Variants in ANTXR1 observed in about 807,000 individuals in gnomAD.
ANTXR1 encodes the protein ANTXR cell adhesion molecule 1, also known as anthrax toxin receptor 1.
Under a neutral mutation model 78.1 loss-of-function variants are expected in ANTXR1, and 19 were observed. The observed-to-expected ratio is 0.24, with a 90% CI of 0.17 to 0.36. The LOEUF (loss-of-function observed/expected upper bound fraction) is 0.36. Among genes scored for constraint, ANTXR1 ranks in the 10% least tolerant of loss-of-function variants. The probability of loss-of-function intolerance (pLI) is 1.00; values close to 1 mark genes in which losing one functional copy is unlikely to be tolerated. For missense variants in ANTXR1, 518 were observed against 718.6 expected (o/e 0.72, Z 3.19); for synonymous variants, 273 against 260.5 (o/e 1.05, Z -0.46).
At position 69,185,219 on chromosome 2, in the gene ANTXR1, C is replaced by A. The variant is rs188351452; in HGVS notation, c.1353+2559C>A. 3.3e-5 allele frequency among the ~76,000 whole-genome samples: 5 copies of A among 152,292 alleles called. No homozygotes were observed. In the East Asian group the frequency reaches 9.6e-4, roughly 29 times the overall value. ...CAAAAACGCTGGAAGTGGGGCCCAG[C>A]CATCTGGGTTTTAACAAGCTGAGTT... is the stretch of plus-strand genomic sequence containing the variant. On this transcript the variant is annotated intron_variant, in intron 16 of 17. Transcript: ENST00000303714.
In ANTXR1 at chr2:69,131,073, A is replaced by C. The variant is rs138629131; in HGVS notation, c.951+6430A>C. 7.7e-3 allele frequency among the ~76,000 whole-genome samples: 1,175 copies of C among 152,052 alleles called. 18 individuals are homozygous for C. The highest frequency in any genetic ancestry group is 0.025 in the African/African-American group (1,047 of 41,542). Reference sequence around the variant, plus strand: ...AATAAAGTTGATACATTATTACCACATGCAAAATTTCTGTTGCCACAAAAA... The same window carrying C: ...AATAAAGTTGATACATTATTACCACCTGCAAAATTTCTGTTGCCACAAAAA... On this transcript the variant is annotated intron_variant, in intron 12 of 17. Coordinates refer to ENST00000303714, the MANE Select transcript of ANTXR1 (RefSeq NM_032208.3).
chr2:69,185,345 C>T (rs1240642152), intron 16 of ANTXR1, among the ~76,000 whole-genome samples: 1 of 151,850 alleles, frequency 6.6e-6, no homozygotes, highest in Non-Finnish European at 1.5e-5. Flanking sequence ...TTGAGACCAG[C>T]CCCGGCCAAC....
intron 1 of ANTXR1, among the ~76,000 whole-genome samples, chr2:69,036,102 A>G (rs1362047009): frequency 6.6e-6 from 1 of 152,254 alleles, no homozygotes; most frequent in East Asian, 1.9e-4. Flanking sequence ...TAACACAAAA[A>G]GGATTTACTT....
chr2:69,033,342 G>A (rs922244557), intron 1 of ANTXR1, among the ~76,000 whole-genome samples: 3 of 152,252 alleles, frequency 2.0e-5, no homozygotes, highest in African/African-American at 7.2e-5. Context: ...CCTGGGCCAG[G>A]TTTAAGACTC....
At chr2:69,163,681 A>G (rs901168740) in intron 13 of ANTXR1, among the ~76,000 whole-genome samples, 1 of 152,218 alleles carries the variant, frequency 6.6e-6, no homozygotes, top group Non-Finnish European at 1.5e-5. Flanking sequence ...GAGGAAAAGA[A>G]CACGCATTCA....
chr2:69,241,614 C>A (rs1312618837), intron 17 of ANTXR1, among the ~76,000 whole-genome samples: 1 of 152,074 alleles, frequency 6.6e-6, no homozygotes, highest in Admixed American at 6.6e-5. Context: ...CTAGGGGCTG[C>A]TTTGTTTTTC....
At chr2:69,244,059 G>A (rs963651049) in intron 17 of ANTXR1, among the ~76,000 whole-genome samples, 2 of 152,210 alleles carry the variant, frequency 1.3e-5, no homozygotes, top group African/African-American at 2.4e-5. Context: ...TCTCCCCTCC[G>A]TTGCAGAGCT....
Position 69,018,084 on chromosome 2 carries a change from T to G in ANTXR1, c.152+4433T>G, listed in dbSNP as rs564613577. ...AATGTGGGAAAGAGAGCAGGAGGAG[T>G]GGAGATGGTGGTCTGGAAGGCAGGA... On this transcript the variant is annotated intron_variant, in intron 1 of 17. Transcript: ENST00000303714. 5.9e-5 allele frequency among the ~76,000 whole-genome samples: 9 copies of G among 151,904 alleles called. No homozygotes were observed. The East Asian group carries it at 1.7e-3, about 30-fold the overall frequency.
intron 3 of ANTXR1, among the ~76,000 whole-genome samples, chr2:69,045,202 T>C (rs1047770082): frequency 6.6e-6 from 1 of 152,106 alleles, no homozygotes; most frequent in African/African-American, 2.4e-5. Context: ...GTGAGACAGG[T>C]AAGAGCTTGA....
chr2:69,220,701 A>T, intron 17 of ANTXR1, among the ~76,000 whole-genome samples: 1 of 152,246 alleles, frequency 6.6e-6, no homozygotes, highest in East Asian at 1.9e-4. Context: ...TCTTAGAATG[A>T]ATTTATGTAG....
intron 1 of ANTXR1, among the ~76,000 whole-genome samples, chr2:69,032,894 T>C (rs1302443014): frequency 6.6e-6 from 1 of 152,216 alleles, no homozygotes; most frequent in Admixed American, 6.5e-5. Flanking sequence ...ACATATACAA[T>C]ACTTATGTGT....
chr2:69,018,950 A>G (rs143758250), intron 1 of ANTXR1, among the ~76,000 whole-genome samples: 194 of 152,344 alleles, frequency 1.3e-3, no homozygotes, highest in African/African-American at 4.3e-3. Context: ...GATGGAAAGT[A>G]TCAGGAACTC....
chr2:69,135,168 G>T, intron 12 of ANTXR1: 1 of 214,016 alleles, frequency 4.7e-6, no homozygotes, highest in Non-Finnish European at 1.0e-5. Context: ...TCTTTTAAAA[G>T]ATGTTTTGGA....
intron 17 of ANTXR1, among the ~76,000 whole-genome samples, chr2:69,213,368 G>T (rs1285498247): frequency 6.6e-6 from 1 of 152,208 alleles, no homozygotes; most frequent in Non-Finnish European, 1.5e-5. Context: ...AGTTGCCTGA[G>T]ATGGGAGACA....
Position 69,047,659 on chromosome 2 carries a change from C to A in ANTXR1, c.296+2846C>A, listed in dbSNP as rs575135934. Among the ~76,000 whole-genome samples the A allele has an allele frequency of 3.9e-5, 6 of 152,142 alleles. No homozygotes were observed. The East Asian group carries it at 1.2e-3, about 29-fold the overall frequency. On this transcript the variant is annotated intron_variant, in intron 3 of 17. Coordinates refer to ENST00000303714, the MANE Select transcript of ANTXR1 (RefSeq NM_032208.3). ...TGAGTTGGGGGGGGAAATTCTGGAC[C>A]TCATGGTAGTGTGGGTCATTTCTCT...
intron 13 of ANTXR1, among the ~76,000 whole-genome samples, chr2:69,154,883 G>A (rs1176115087): frequency 1.3e-5 from 2 of 152,202 alleles, no homozygotes; most frequent in African/African-American, 4.8e-5. Context: ...GTGAAGGGGT[G>A]GGGGATGAAG....
At position 69,071,742 on chromosome 2, in the gene ANTXR1, T is replaced by C; in HGVS notation, c.379-12T>C. 1 of 1,613,826 alleles carries C rather than the reference T, an allele frequency of 6.2e-7. No individual in the cohort carries two copies. The highest frequency in any genetic ancestry group is 8.5e-7 in the Non-Finnish European group (1 of 1,179,770). ...GGTTATAAGTCTAAGGGCTCTTTCA[T>C]ATGTTTTTCAGGCCAGTGAGCAGAT... On this transcript the variant is annotated splice_polypyrimidine_tract_variant and intron_variant, in intron 4 of 17. Transcript: ENST00000303714.
chr2:69,188,436 T>C (rs921885436), intron 16 of ANTXR1, among the ~76,000 whole-genome samples: 1 of 152,174 alleles, frequency 6.6e-6, no homozygotes, highest in African/African-American at 2.4e-5. Flanking sequence ...GCATAATCAT[T>C]CCCAGCACAG....
intron 17 of ANTXR1, among the ~76,000 whole-genome samples, chr2:69,210,194 G>A (rs1467126150): frequency 6.6e-6 from 1 of 152,162 alleles, no homozygotes; most frequent in African/African-American, 2.4e-5. Context: ...CTCCTGCAGT[G>A]TCCATCCAAA....
Sources: gnomAD v4.1 joint callset for allele counts (sites outside exome capture counted in the v4.1 genomes callset) on GRCh38, gnomAD v4.1.1 for gene constraint, MANE v1.5 for transcripts, NCBI Gene and HGNC (gene_info 2026-07-23, HGNC 2026-07-21) for gene names.